NUMB: variants seen among roughly 807,000 people sequenced by gnomAD.
The protein encoded by NUMB is NUMB endocytic adaptor protein.
In NUMB, 29 loss-of-function variants were observed where a neutral mutation model predicts 59.7. The observed-to-expected ratio is 0.49, with a 90% CI of 0.36 to 0.66. The LOEUF is 0.66. NUMB is among the 30% of genes least tolerant of loss of function. The pLI is 0.00. For missense variants in NUMB, 723 were observed against 822.0 expected, an observed-to-expected ratio of 0.88 and a Z score of 1.47; for synonymous variants, 288 against 288.2, an observed-to-expected ratio of 1.00 and a Z score of 0.01.
intron 4 of NUMB, among the ~76,000 whole-genome samples, chr14:73,331,850 G>A (rs922092000): frequency 5.3e-5 from 8 of 152,150 alleles, no homozygotes; most frequent in Non-Finnish European, 1.2e-4. Flanking sequence ...CCCCAGCCAT[G>A]AGGAACTCTG....
rs1217159522 is a variant in NUMB at position 73,332,435 on chromosome 14, GTAGAGA to G, written c.127-9237_127-9232del. ...CACCCAGCTAATTTTTGTATTTTTA[GTAGAGA>G]TAGAGTTTCACCATGTTGGCCAGGC... is the stretch of plus-strand genomic sequence containing the variant. On this transcript the variant is annotated intron_variant, in intron 4 of 12. Coordinates refer to ENST00000555238, the MANE Select transcript of NUMB (RefSeq NM_001005743.2). Among the ~76,000 whole-genome samples the G allele has an allele frequency of 2.6e-5, 4 of 151,762 alleles. No individual in the cohort carries two copies. The East Asian group carries it at 7.8e-4, about 30-fold the overall frequency.
intron 4 of NUMB, among the ~76,000 whole-genome samples, chr14:73,327,954 C>G (rs997306356): frequency 3.3e-5 from 5 of 152,132 alleles, no homozygotes; most frequent in African/African-American, 1.2e-4. Context: ...GATCTGTTTT[C>G]TATTCCTATA....
chr14:73,436,127 T>C (rs532182836), intron 1 of NUMB, among the ~76,000 whole-genome samples: 1 of 152,338 alleles, frequency 6.6e-6, no homozygotes, highest in South Asian at 2.1e-4. Context: ...AATAATGATG[T>C]AGAATTTACT....
At chr14:73,382,428 A>G (rs1461501360) in intron 2 of NUMB, among the ~76,000 whole-genome samples, 1 of 151,018 alleles carries the variant, frequency 6.6e-6, no homozygotes. Flanking sequence ...GCGCCCAGCC[A>G]AAGTGCCTAT....
intron 6 of NUMB, among the ~76,000 whole-genome samples, chr14:73,314,077 T>C (rs1890942912): frequency 6.6e-6 from 1 of 152,158 alleles, no homozygotes; most frequent in South Asian, 2.1e-4. Context: ...TAATAAAAAG[T>C]AATTGATTAG....
intron 4 of NUMB, among the ~76,000 whole-genome samples, chr14:73,341,277 T>C (rs1032846740): frequency 2.0e-5 from 3 of 152,174 alleles, no homozygotes; most frequent in Non-Finnish European, 4.4e-5. Flanking sequence ...CAAGATATAC[T>C]ACCTAAAGTT....
At chr14:73,440,235 C>A (rs76586801) in intron 1 of NUMB, among the ~76,000 whole-genome samples, 4,894 of 95,232 alleles carry the variant, frequency 0.051, 312 homozygotes, top group African/African-American at 0.19. Context: ...ATATGGATAT[C>A]CATATATATA....
At chr14:73,363,306 GA>G (rs950091833) in intron 3 of NUMB, among the ~76,000 whole-genome samples, 2 of 144,454 alleles carry the variant, frequency 1.4e-5, no homozygotes, top group African/African-American at 2.5e-5. Context: ...AGAAAAAGAA[GA>G]AAAAAAAAAG....
At chr14:73,407,889 A>G (rs1896742258) in intron 2 of NUMB, among the ~76,000 whole-genome samples, 2 of 152,228 alleles carry the variant, frequency 1.3e-5, no homozygotes, top group South Asian at 4.1e-4. Context: ...GTAGCAGTCA[A>G]TAAGGCAACA....
At chr14:73,286,915 G>A in intron 9 of NUMB, 195 bp downstream of exon 9, 1 of 600,558 alleles carries the variant, frequency 1.7e-6, no homozygotes. Flanking sequence ...TACTATAATG[G>A]AGTAAATATT....
At chr14:73,318,624 C>T (rs1041985634) in intron 5 of NUMB, among the ~76,000 whole-genome samples, 1 of 152,080 alleles carries the variant, frequency 6.6e-6, no homozygotes, top group African/African-American at 2.4e-5. Context: ...TATTCCTCAC[C>T]CTGTAGCTGA....
intron 2 of NUMB, among the ~76,000 whole-genome samples, chr14:73,391,179 A>C (rs1895834584): frequency 6.6e-6 from 1 of 151,994 alleles, no homozygotes; most frequent in African/African-American, 2.4e-5. Context: ...ACTATGACCT[A>C]TTTCATAGGA....
chr14:73,277,480 C>G (rs546936603), intron 12 of NUMB, among the ~76,000 whole-genome samples, 187 bp from the exon 13 acceptor site: 1 of 152,160 alleles, frequency 6.6e-6, no homozygotes, highest in Non-Finnish European at 1.5e-5. Context: ...ATGAAGAAAA[C>G]TTGTCAAGAC....
chr14:73,377,578 T>A (rs192444321), intron 2 of NUMB, among the ~76,000 whole-genome samples: 1 of 152,126 alleles, frequency 6.6e-6, no homozygotes. Flanking sequence ...AGGTGGAGGT[T>A]GCAGTGAGCC....
chr14:73,427,271 A>G (rs1190304619), intron 1 of NUMB, among the ~76,000 whole-genome samples: 2 of 152,088 alleles, frequency 1.3e-5, no homozygotes, highest in Non-Finnish European at 2.9e-5. Context: ...CTGAGGTCAG[A>G]GACCAGCCTG....
chr14:73,348,658 A>G (rs867441447), intron 4 of NUMB, among the ~76,000 whole-genome samples: 4 of 152,212 alleles, frequency 2.6e-5, no homozygotes, highest in African/African-American at 7.2e-5. Flanking sequence ...CACCTGCCCC[A>G]GCCCCCTAAC....
intron 2 of NUMB, among the ~76,000 whole-genome samples, chr14:73,372,380 T>TAA (rs1566766639): frequency 7.3e-6 from 1 of 137,810 alleles, no homozygotes; most frequent in Admixed American, 7.4e-5. Flanking sequence ...TATATATATA[T>TAA]AAATGTGTAT....
chr14:73,353,072 GTTTTTTTTT>G (rs71112737), intron 4 of NUMB, among the ~76,000 whole-genome samples: 218 of 58,504 alleles, frequency 3.7e-3, no homozygotes, highest in African/African-American at 0.01. Flanking sequence ...AGTTTTTCTT[GTTTTTTTTT>G]TTTTTTTTTT....
chr14:73,339,007 T>C (rs1185594262), intron 4 of NUMB, among the ~76,000 whole-genome samples: 2 of 152,198 alleles, frequency 1.3e-5, no homozygotes, highest in Non-Finnish European at 2.9e-5. Context: ...TCCACTGTGG[T>C]ATATGAGTTA....
Sources: allele counts gnomAD v4.1 joint callset (sites outside exome capture counted in the v4.1 genomes callset), GRCh38; gene constraint gnomAD v4.1.1; transcripts MANE v1.5; gene names NCBI Gene and HGNC (gene_info 2026-07-23, HGNC 2026-07-21).